Variants in H3-3A observed in about 807,000 individuals in gnomAD.
The protein encoded by H3-3A is histone H3.3.
For missense variants in H3-3A, 7 were observed against 184.0 expected (o/e 0.04, Z 5.57); for synonymous variants, 49 against 61.4 (o/e 0.80, Z 0.95).
intron 1 of H3-3A, 183 bp from the exon 2 acceptor site, chr1:226,064,146 A>T: frequency 2.0e-6 from 1 of 499,672 alleles, no homozygotes; most frequent in Non-Finnish European, 3.7e-6. Flanking sequence ...CTAGTACTCT[A>T]GTTTGTTTCA....
intron 3 of H3-3A, among the ~76,000 whole-genome samples, chr1:226,070,727 C>T (rs576155663): frequency 5.3e-5 from 8 of 152,142 alleles, no homozygotes; most frequent in Admixed American, 1.3e-4. Context: ...GAGCCGAGAT[C>T]GCGCTACTGC....
chr1:226,063,889 T>C (rs1341352045), intron 1 of H3-3A: 1 of 131,624 alleles, frequency 7.6e-6, no homozygotes, highest in East Asian at 2.7e-4. Flanking sequence ...CCATCAACAG[T>C]CAGACGAAGG....
intron 3 of H3-3A, among the ~76,000 whole-genome samples, chr1:226,070,646 A>G (rs1003706778): frequency 7.1e-5 from 10 of 140,668 alleles, no homozygotes; most frequent in African/African-American, 2.1e-4. Flanking sequence ...GGTGGCGCAT[A>G]CCTGTAGTCC....
At chr1:226,063,054 C>T (rs922842251) in intron 1 of H3-3A, among the ~76,000 whole-genome samples, 4 of 152,070 alleles carry the variant, frequency 2.6e-5, no homozygotes, top group African/African-American at 7.2e-5. Flanking sequence ...TGCTCTCCCT[C>T]CTCCTCCCCG....
At chr1:226,071,133 A>G (rs1056129905) in intron 3 of H3-3A, among the ~76,000 whole-genome samples, 1 of 152,358 alleles carries the variant, frequency 6.6e-6, no homozygotes, top group South Asian at 2.1e-4. Context: ...GTGTAACTTG[A>G]TAAAAGATTT....
chr1:226,065,636 TC>T lies in H3-3A; in HGVS notation c.129-19del. On this transcript the variant is annotated intron_variant, in intron 2 of 3. Coordinates refer to ENST00000366815, the MANE Select transcript of H3-3A (RefSeq NM_002107.7). ...GCTAGTTATGTTTTTGGTAACAGTT[TC>T]TTTATTAATTTTTTAAAGGCCTGGT... 6.6e-7 allele frequency: 1 copy of T among 1,521,816 alleles called. No homozygotes were observed. Among genetic ancestry groups the T allele is most frequent in the Non-Finnish European group, 8.9e-7 (1 of 1,127,564 alleles). 94.3% of individuals were successfully genotyped at this position (1,521,816 alleles called of 1,614,324 possible).
upstream of H3-3A, chr1:226,061,987 T>G (rs528863488): frequency 6.6e-6 from 1 of 152,216 alleles, no homozygotes; most frequent in South Asian, 2.1e-4. Flanking sequence ...CGGATCAAGT[T>G]GTCTACGGCG....
intron 3 of H3-3A, among the ~76,000 whole-genome samples, chr1:226,070,047 T>C (rs2102741080): frequency 6.6e-6 from 1 of 152,268 alleles, no homozygotes; most frequent in African/African-American, 2.4e-5. Context: ...GAAAGGATCT[T>C]ACAGTCAAAT....
At chr1:226,061,979 G>A (rs1657719288), upstream of H3-3A, 1 of 152,214 alleles carries the variant, frequency 6.6e-6, no homozygotes, top group African/African-American at 2.4e-5. Context: ...AGTCTTAGCG[G>A]ATCAAGTTGT....
rs957378913 is a variant in H3-3A, at chr1:226,062,828, G to A, written c.-24+17G>A. ...AGAAGGGGGGTAAGTTTCCCCGTCT[G>A]CCCGCTTCCCCGGAACCGAGCCCCG... On this transcript the variant is annotated intron_variant, in intron 1 of 3. Coordinates refer to ENST00000366815, the MANE Select transcript of H3-3A (RefSeq NM_002107.7). 3 of 161,926 alleles carry A rather than the reference G, an allele frequency of 1.9e-5. No homozygotes were observed. The highest frequency in any genetic ancestry group is 2.9e-5 in the Non-Finnish European group (2 of 69,046). 10.0% of individuals were successfully genotyped at this position (161,926 alleles called of 1,614,324 possible). A position where few individuals can be genotyped will look rare whatever the true frequency, so the allele number is the denominator to read the frequency against.
intron 2 of H3-3A, among the ~76,000 whole-genome samples, chr1:226,064,742 T>C (rs892065351): frequency 6.6e-6 from 1 of 152,218 alleles, no homozygotes; most frequent in Non-Finnish European, 1.5e-5. Flanking sequence ...CTGATAATGT[T>C]AATGGGATAT....
Position 226,071,647 on chromosome 1 carries a change from G to A in H3-3A, c.*168G>A. On this transcript the variant is annotated 3_prime_UTR_variant, in exon 4 of 4. Coordinates refer to ENST00000366815, the MANE Select transcript of H3-3A (RefSeq NM_002107.7). ...AATAGGGGACAGAAATCAGGTATTG[G>A]CAGTTTTTCCATTTTCATTTGTGTG... 2.6e-6 allele frequency: 1 copy of A among 386,652 alleles called. No individual in the cohort carries two copies. The highest frequency in any genetic ancestry group is 4.5e-6 in the Non-Finnish European group (1 of 223,628). The allele number at this position is 386,652 out of a possible 1,614,324, so 24.0% of individuals were successfully genotyped here.
At chr1:226,065,596 C>T in intron 2 of H3-3A, 60 bp from the exon 3 acceptor site, 2 of 1,249,398 alleles carry the variant, frequency 1.6e-6, no homozygotes, top group South Asian at 3.1e-5. Flanking sequence ...TGAAGCTGCC[C>T]ACTTACCTTT....
chr1:226,064,144 CTAGTTTGTTT>C, intron 1 of H3-3A, 175 bp from the exon 2 acceptor site: 1 of 496,330 alleles, frequency 2.0e-6, no homozygotes, highest in Non-Finnish European at 3.7e-6. Flanking sequence ...TTCTAGTACT[CTAGTTTGTTT>C]CAAGAAGAGA....
At chr1:226,068,842 C>G (rs1658005422) in intron 3 of H3-3A, among the ~76,000 whole-genome samples, 1 of 152,166 alleles carries the variant, frequency 6.6e-6, no homozygotes, top group South Asian at 2.1e-4. Context: ...GTTGCCTGCA[C>G]TGGCAACAGG....
intron 3 of H3-3A, chr1:226,067,266 ATTG>A (rs1657959899): frequency 1.3e-5 from 2 of 152,118 alleles, no homozygotes; most frequent in South Asian, 4.1e-4. Context: ...GTAAACTTCC[ATTG>A]TTACTATTAC....
intron 1 of H3-3A, among the ~76,000 whole-genome samples, chr1:226,063,168 G>A (rs1431333411): frequency 6.6e-6 from 1 of 151,838 alleles, no homozygotes; most frequent in African/African-American, 2.4e-5. Flanking sequence ...ACCGCCCCCG[G>A]GCCCCAGCCC....
upstream of H3-3A, chr1:226,062,141 T>A (rs1465400531): frequency 6.6e-6 from 1 of 152,024 alleles, no homozygotes; most frequent in East Asian, 1.9e-4. Flanking sequence ...GCCAGCTTCC[T>A]GCTGGGGAGC....
At chr1:226,067,508 G>T (rs2102738585) in intron 3 of H3-3A, among the ~76,000 whole-genome samples, 1 of 152,302 alleles carries the variant, frequency 6.6e-6, no homozygotes, top group Admixed American at 6.5e-5. Context: ...GGAGGCTGAG[G>T]TGGGTAGATC....
Sources: gnomAD v4.1 joint callset for allele counts (sites outside exome capture counted in the v4.1 genomes callset) on GRCh38, gnomAD v4.1.1 for gene constraint, MANE v1.5 for transcripts, NCBI Gene and HGNC (gene_info 2026-07-23, HGNC 2026-07-21) for gene names.